PCDHGA4: variants seen among roughly 807,000 people sequenced by gnomAD.
PCDHGA4 encodes protocadherin gamma-A4.
A neutral mutation model predicts 54.6 loss-of-function variants in PCDHGA4; 38 were observed. That is an observed-to-expected ratio of 0.70 (90% CI 0.54 to 0.91). The LOEUF is 0.91. PCDHGA4 is among the 40% of genes least tolerant of loss of function. PCDHGA4 has a pLI of 0.00. For synonymous variants in PCDHGA4, 511 were observed against 512.9 expected, an observed-to-expected ratio of 1.00 and a Z score of 0.05; for missense variants, 1,298 against 1,220.9, an observed-to-expected ratio of 1.06 and a Z score of -0.94.
chr5:141,384,973 T>C, intron 1 of PCDHGA4: 1 of 1,613,956 alleles, frequency 6.2e-7, no homozygotes, highest in Non-Finnish European at 8.5e-7. Flanking sequence ...CCTCACGTTG[T>C]ACCTGGTGGT....
intron 1 of PCDHGA4, among the ~76,000 whole-genome samples, chr5:141,482,052 T>G (rs2099551017): frequency 6.7e-6 from 1 of 150,154 alleles, no homozygotes; most frequent in Non-Finnish European, 1.5e-5. Flanking sequence ...GCTGTTGCAT[T>G]CCAGCCTGGG....
In PCDHGA4 at chr5:141,408,826, T is replaced by C. The variant is rs138252575; in HGVS notation, c.2514+51205T>C. ...TAGACCGGGAAGAACAGAGATCTCA[T>C]AGCTTGATATTGACTGCCTTGGACG... On this transcript the variant is annotated intron_variant, in intron 1 of 3. Coordinates refer to ENST00000571252, the MANE Select transcript of PCDHGA4 (RefSeq NM_018917.4). The C allele has an allele frequency of 6.1e-5, 98 of 1,613,582 alleles. No homozygotes were observed. The African/African-American group carries it at 9.9e-4, about 16-fold the overall frequency.
In PCDHGA4 at chr5:141,493,145, AG is replaced by A. The variant is rs11350413; in HGVS notation, c.2515-1660del. Among the ~76,000 whole-genome samples the A allele has an allele frequency of 0.17, 26,475 of 152,128 alleles. 2,528 individuals carry two copies. The highest frequency in any genetic ancestry group is 0.28 in the Admixed American group (4,206 of 15,272). ...TAGGACTGTATTTTGAAACACCCCC[AG>A]GTGATTTTGATAGCTGATTGAGAGA... is the stretch of plus-strand genomic sequence containing the variant. On this transcript the variant is annotated intron_variant, in intron 1 of 3. Transcript: ENST00000571252. The surrounding 1 kb of genome is among the most constrained non-coding windows in gnomAD (Gnocchi z 4.3).
intron 3 of PCDHGA4, among the ~76,000 whole-genome samples, chr5:141,510,504 G>A (rs371169260): frequency 1.3e-5 from 2 of 152,154 alleles, no homozygotes; most frequent in African/African-American, 4.8e-5. Flanking sequence ...AAGGAACTGA[G>A]AGCCCGTGTC....
intron 1 of PCDHGA4, chr5:141,415,755 T>TTTG: frequency 1.4e-6 from 2 of 1,387,632 alleles, no homozygotes; most frequent in Middle Eastern, 2.6e-4. Context: ...TTTTTTTTTT[T>TTTG]TTTTTTTTTT....
At chr5:141,399,398 G>T (rs1374441258) in intron 1 of PCDHGA4, 4 of 1,613,854 alleles carry the variant, frequency 2.5e-6, no homozygotes, top group Non-Finnish European at 3.4e-6. Flanking sequence ...ACAGACAGGG[G>T]CAAGCCGCCC....
chr5:141,395,407 G>A (rs1467176036), intron 1 of PCDHGA4: 1 of 826,654 alleles, frequency 1.2e-6, no homozygotes, highest in Non-Finnish European at 1.8e-6. Context: ...ATAGTCATAG[G>A]TTATTGTTTC....
chr5:141,376,088 C>T lies in PCDHGA4; in HGVS notation c.2514+18467C>T, dbSNP rs527893060. 5.1e-5 allele frequency: 83 copies of T among 1,613,666 alleles called. No homozygotes were observed. The highest frequency in any genetic ancestry group is 2.0e-4 in the East Asian group (9 of 44,878). On this transcript the variant is annotated intron_variant, in intron 1 of 3. Coordinates refer to ENST00000571252, the MANE Select transcript of PCDHGA4 (RefSeq NM_018917.4). Reference sequence around the variant, plus strand: ...CACCGTGGCCGTGGCCGACAGGATCCCCGACATCCTGGCCGACCTGGGCAG... The same window carrying T: ...CACCGTGGCCGTGGCCGACAGGATCTCCGACATCCTGGCCGACCTGGGCAG...
chr5:141,491,441 A>G lies in PCDHGA4; in HGVS notation c.2515-3366A>G, dbSNP rs776616506. 1.2e-6 allele frequency: 2 copies of G among 1,614,146 alleles called. No homozygotes were observed. The highest frequency in any genetic ancestry group is 1.7e-6 in the Non-Finnish European group (2 of 1,180,032). ...GGTGGAGGGCAGTGCTGCAGGCGCCAGGACTCACCCTCCCCGGACTTCTAT... is the reference window on the plus strand; with the variant it reads ...GGTGGAGGGCAGTGCTGCAGGCGCCGGGACTCACCCTCCCCGGACTTCTAT... On this transcript the variant is annotated intron_variant, in intron 1 of 3. Coordinates refer to ENST00000571252, the MANE Select transcript of PCDHGA4 (RefSeq NM_018917.4). The surrounding 1 kb of genome is among the most constrained non-coding windows in gnomAD (Gnocchi z 6.9).
At chr5:141,413,822 T>G in intron 1 of PCDHGA4, 1 of 1,613,216 alleles carries the variant, frequency 6.2e-7, no homozygotes, top group Non-Finnish European at 8.5e-7. Context: ...CACCTGGTCC[T>G]CACCGCCTCC....
intron 1 of PCDHGA4, among the ~76,000 whole-genome samples, chr5:141,472,980 C>CA (rs60579131): frequency 0.042 from 3,623 of 85,966 alleles, 71 homozygotes; most frequent in South Asian, 0.079. Context: ...GAGTGAAACT[C>CA]AAAAAAAAAA....
Position 141,366,720 on chromosome 5 carries a change from T to C in PCDHGA4, c.2514+9099T>C, listed in dbSNP as rs1471976896. 1.2e-6 allele frequency: 2 copies of C among 1,613,598 alleles called. No individual in the cohort carries two copies. Among genetic ancestry groups the C allele is most frequent in the East Asian group, 4.5e-5 (2 of 44,886 alleles). On this transcript the variant is annotated intron_variant, in intron 1 of 3. Transcript: ENST00000571252. ...GAGCCTCTTCTGATGTCTGATAAGG[T>C]AGATGCAAACAAAGAAGAACGGCGA... is the stretch of plus-strand genomic sequence containing the variant.
At chr5:141,396,015 T>C (rs1243437259) in intron 1 of PCDHGA4, 1 of 152,252 alleles carries the variant, frequency 6.6e-6, no homozygotes, top group South Asian at 2.1e-4. Context: ...AAAGTGACTT[T>C]TGTAAAATAT....
chr5:141,360,269 CG>C, intron 1 of PCDHGA4: 1 of 1,613,932 alleles, frequency 6.2e-7, no homozygotes, highest in African/African-American at 1.3e-5. Flanking sequence ...GCCAAAAACT[CG>C]GTCGTAGGAA....
chr5:141,476,687 A>G lies in PCDHGA4; in HGVS notation c.2515-18120A>G. 1 of 1,614,212 alleles carries G rather than the reference A, an allele frequency of 6.2e-7. No individual in the cohort carries two copies. Among genetic ancestry groups the G allele is most frequent in the Non-Finnish European group, 8.5e-7 (1 of 1,180,044 alleles). On this transcript the variant is annotated intron_variant, in intron 1 of 3. Transcript: ENST00000571252. This position sits in a 1 kb window ranked among gnomAD's most constrained non-coding sequence, Gnocchi z 7.6. ...TCGCGTGCAGACGCGGGAGGACAGC[A>G]CCAAGTACGCGGAGCTGGTGTTGGA... is the stretch of plus-strand genomic sequence containing the variant.
chr5:141,448,704 G>A (rs1272148301), intron 1 of PCDHGA4, among the ~76,000 whole-genome samples: 1 of 152,134 alleles, frequency 6.6e-6, no homozygotes. Flanking sequence ...ACTTTGGGAG[G>A]CCGAGGCGGG....
chr5:141,500,688 T>C (rs2099802014), intron 2 of PCDHGA4, among the ~76,000 whole-genome samples: 1 of 152,224 alleles, frequency 6.6e-6, no homozygotes, highest in Non-Finnish European at 1.5e-5. Flanking sequence ...TATAGCTTTT[T>C]TCTTCTTTGC....
intron 1 of PCDHGA4, chr5:141,393,169 T>A: frequency 6.2e-7 from 1 of 1,613,090 alleles, no homozygotes; most frequent in African/African-American, 1.3e-5. Context: ...CTCTTTGGGG[T>A]AGAAATAGAA....
At chr5:141,409,352 T>G in intron 1 of PCDHGA4, 1 of 1,613,980 alleles carries the variant, frequency 6.2e-7, no homozygotes, top group Non-Finnish European at 8.5e-7. Flanking sequence ...AGAAGTCAGG[T>G]GTAATATAGA....
Sources: allele counts gnomAD v4.1 joint callset (sites outside exome capture counted in the v4.1 genomes callset), GRCh38; gene constraint gnomAD v4.1.1; non-coding constraint Gnocchi (gnomAD v3.1); transcripts MANE v1.5; gene names NCBI Gene and HGNC (gene_info 2026-07-23, HGNC 2026-07-21).